The following WWOX variants were observed in gnomAD, a reference collection of about 807,000 sequenced individuals.
WWOX encodes the protein WW domain containing oxidoreductase.
WWOX carries 69 observed loss-of-function variants against 46.2 expected under a neutral mutation model. The ratio of observed to expected loss-of-function variants is 1.49; its 90% CI spans 1.23 to 1.82. The LOEUF (loss-of-function observed/expected upper bound fraction) is 1.82, where lower values mean the gene tolerates loss of function less well. Among genes scored for constraint, WWOX ranks in the 40% most tolerant of loss-of-function variants. WWOX has a pLI of 0.00. For missense variants in WWOX, 919 were observed against 542.6 expected, an observed-to-expected ratio of 1.69 and a Z score of -6.89; for synonymous variants, 359 against 202.6, an observed-to-expected ratio of 1.77 and a Z score of -6.56.
intron 5 of WWOX, among the ~76,000 whole-genome samples, chr16:78,239,492 A>T (rs572200945): frequency 4.1e-4 from 62 of 152,112 alleles, no homozygotes; most frequent in African/African-American, 1.5e-3. Flanking sequence ...AGGCCCCTCT[A>T]TCCCCTCTGT....
intron 8 of WWOX, among the ~76,000 whole-genome samples, chr16:78,816,895 C>G (rs1042538082): frequency 4.6e-5 from 7 of 152,042 alleles, no homozygotes; most frequent in African/African-American, 1.2e-4. Context: ...CATCTGAAGG[C>G]AAGAAATAGC....
At chr16:78,643,815 C>T (rs925891283) in intron 8 of WWOX, among the ~76,000 whole-genome samples, 6 of 136,380 alleles carry the variant, frequency 4.4e-5, no homozygotes, top group East Asian at 2.3e-4. Flanking sequence ...TGGAGGAAAG[C>T]CCCCTAACTC....
intron 8 of WWOX, among the ~76,000 whole-genome samples, chr16:78,493,491 A>G (rs191515860): frequency 1.1e-3 from 169 of 152,336 alleles, no homozygotes; most frequent in African/African-American, 4.0e-3. Context: ...CTTTAACAGC[A>G]CAGAAGAGCA....
intron 8 of WWOX, among the ~76,000 whole-genome samples, chr16:79,104,439 A>T (rs2049267016): frequency 6.6e-6 from 1 of 152,206 alleles, no homozygotes; most frequent in Admixed American, 6.5e-5. Flanking sequence ...TTTATCATAT[A>T]TCCATTCATC....
intron 5 of WWOX, among the ~76,000 whole-genome samples, chr16:78,193,352 T>A (rs2035940562): frequency 6.6e-6 from 1 of 152,240 alleles, no homozygotes; most frequent in Non-Finnish European, 1.5e-5. Context: ...GTTTAATGTT[T>A]TATCTCAAGC....
intron 4 of WWOX, among the ~76,000 whole-genome samples, chr16:78,155,049 G>A (rs962563677): frequency 5.3e-5 from 8 of 152,182 alleles, no homozygotes; most frequent in Non-Finnish European, 7.3e-5. Flanking sequence ...CTGTCACCAC[G>A]TGGGATTGGG....
chr16:78,260,538 G>T (rs1289320069), intron 5 of WWOX, among the ~76,000 whole-genome samples: 1 of 151,328 alleles, frequency 6.6e-6, no homozygotes. Flanking sequence ...CATGGTGGCA[G>T]GTGCCTGTAA....
At chr16:78,707,014 C>G (rs2048341408) in intron 8 of WWOX, among the ~76,000 whole-genome samples, 1 of 152,068 alleles carries the variant, frequency 6.6e-6, no homozygotes, top group Non-Finnish European at 1.5e-5. Flanking sequence ...CCTAAGGAGA[C>G]CATGATCCAT....
At chr16:78,142,713 G>A (rs2034029625) in intron 4 of WWOX, among the ~76,000 whole-genome samples, 1 of 152,178 alleles carries the variant, frequency 6.6e-6, no homozygotes, top group Non-Finnish European at 1.5e-5. Context: ...TGACTGTAAT[G>A]GAGGTTTACA....
At chr16:78,922,249 C>T (rs780152795) in intron 8 of WWOX, among the ~76,000 whole-genome samples, 3 of 152,170 alleles carry the variant, frequency 2.0e-5, no homozygotes, top group Non-Finnish European at 2.9e-5. Flanking sequence ...GGTTCATCTG[C>T]AACCTAAGGT....
chr16:78,817,787 C>T (rs368693309), intron 8 of WWOX, among the ~76,000 whole-genome samples: 1 of 152,144 alleles, frequency 6.6e-6, no homozygotes, highest in Non-Finnish European at 1.5e-5. Flanking sequence ...CACCCTCTGT[C>T]TTGGATGGAA....
At chr16:78,758,207 T>C (rs951298294) in intron 8 of WWOX, among the ~76,000 whole-genome samples, 6 of 152,190 alleles carry the variant, frequency 3.9e-5, no homozygotes, top group Non-Finnish European at 7.3e-5. Flanking sequence ...TAGATGAAGA[T>C]AAACCTATAT....
chr16:78,942,940 T>C (rs1450263753), intron 8 of WWOX, among the ~76,000 whole-genome samples: 3 of 152,170 alleles, frequency 2.0e-5, no homozygotes. Flanking sequence ...GGAAATAAGA[T>C]ATTCATTTGC....
intron 8 of WWOX, among the ~76,000 whole-genome samples, chr16:78,661,710 A>C (rs1567472112): frequency 6.6e-6 from 1 of 152,060 alleles, no homozygotes; most frequent in African/African-American, 2.4e-5. Flanking sequence ...GGGCAGTGCA[A>C]ATTGTTTCTG....
At chr16:79,205,351 A>T (rs1035767158) in intron 8 of WWOX, 1 of 152,242 alleles carries the variant, frequency 6.6e-6, no homozygotes, top group Non-Finnish European at 1.5e-5. Context: ...TGGGAGAGGC[A>T]ACTGAAAAGG....
At chr16:78,387,030 G>A in intron 6 of WWOX, 82 bp downstream of exon 6, 1 of 1,398,854 alleles carries the variant, frequency 7.1e-7, no homozygotes. Flanking sequence ...TTGGGAGAAT[G>A]CAAGGCTGTT....
chr16:78,806,834 C>T (rs542825702), intron 8 of WWOX, among the ~76,000 whole-genome samples: 53 of 152,240 alleles, frequency 3.5e-4, no homozygotes, highest in African/African-American at 1.2e-3. Context: ...CTGCCATGGC[C>T]ACTTTTGAAA....
At chr16:79,093,807 C>T (rs1227143477) in intron 8 of WWOX, among the ~76,000 whole-genome samples, 4 of 152,186 alleles carry the variant, frequency 2.6e-5, no homozygotes, top group Admixed American at 6.5e-5. Context: ...CCCTGCCCTT[C>T]GACACAGAGT....
intron 8 of WWOX, among the ~76,000 whole-genome samples, chr16:78,934,515 A>C (rs1313723156): frequency 2.0e-5 from 3 of 149,548 alleles, no homozygotes; most frequent in African/African-American, 7.3e-5. Context: ...TATCAAAAAA[A>C]AAAAAAAAAA....
Sources: gnomAD v4.1 joint callset for allele counts (sites outside exome capture counted in the v4.1 genomes callset) on GRCh38, gnomAD v4.1.1 for gene constraint, MANE v1.5 for transcripts, NCBI Gene and HGNC (gene_info 2026-07-23, HGNC 2026-07-21) for gene names.